The following GABRG1 variants were observed in gnomAD, a reference collection of about 807,000 sequenced individuals.
The protein encoded by GABRG1 is gamma-aminobutyric acid receptor subunit gamma-1.
Under a neutral mutation model 49.8 loss-of-function variants are expected in GABRG1, and 49 were observed. The observed-to-expected ratio is 0.98, with a 90% CI of 0.78 to 1.25. The LOEUF (loss-of-function observed/expected upper bound fraction) is 1.25, where lower values mean the gene tolerates loss of function less well. Ranked by LOEUF, GABRG1 falls within the 50% of genes most tolerant of loss-of-function variation. The probability of loss-of-function intolerance (pLI) is 0.00; values close to 1 mark genes in which losing one functional copy is unlikely to be tolerated. For synonymous variants in GABRG1, 232 were observed against 185.1 expected (o/e 1.25, Z -2.06); for missense variants, 552 against 552.3 (o/e 1.00, Z 0.01).
chr4:46,051,320 G>A, intron 8 of GABRG1, 104 bp downstream of exon 8: 1 of 798,536 alleles, frequency 1.3e-6, no homozygotes, highest in Non-Finnish European at 1.9e-6. Flanking sequence ...TTTGGTTATG[G>A]GTCTCAAGCG....
intron 1 of GABRG1, among the ~76,000 whole-genome samples, chr4:46,123,262 TA>T (rs1203974459): frequency 6.6e-6 from 1 of 152,050 alleles, no homozygotes; most frequent in Non-Finnish European, 1.5e-5. Context: ...ACTTGGATAC[TA>T]TACATTTTTA....
At chr4:46,098,501 C>G (rs181684901) in intron 1 of GABRG1, among the ~76,000 whole-genome samples, 2 of 151,826 alleles carry the variant, frequency 1.3e-5, no homozygotes, top group East Asian at 3.9e-4. Flanking sequence ...AGTATCTATT[C>G]AGACCTCTTT....
chr4:46,064,852 G>C (rs567441538), intron 4 of GABRG1, among the ~76,000 whole-genome samples: 36 of 152,082 alleles, frequency 2.4e-4, no homozygotes, highest in African/African-American at 7.7e-4. Context: ...GATTATAAAT[G>C]GTTAAGTATG....
At chr4:46,052,137 T>A (rs1718248199) in intron 7 of GABRG1, among the ~76,000 whole-genome samples, 1 of 151,620 alleles carries the variant, frequency 6.6e-6, no homozygotes. Context: ...AAACATTAGA[T>A]AATATTGGAA....
chr4:46,104,514 C>A (rs1261578918), intron 1 of GABRG1, among the ~76,000 whole-genome samples: 4 of 151,376 alleles, frequency 2.6e-5, no homozygotes, highest in Non-Finnish European at 3.0e-5. Flanking sequence ...TTACATATAG[C>A]CATAATACAT....
chr4:46,117,608 C>A (rs35551969), intron 1 of GABRG1, among the ~76,000 whole-genome samples: 45,772 of 136,842 alleles, frequency 0.33, 7,928 homozygotes, highest in Admixed American at 0.38. Context: ...CTCTCTCTCT[C>A]TCTCTATATA....
At chr4:46,089,459 T>C (rs1290519340) in intron 2 of GABRG1, among the ~76,000 whole-genome samples, 2 of 151,960 alleles carry the variant, frequency 1.3e-5, no homozygotes, top group Non-Finnish European at 2.9e-5. Flanking sequence ...ATAGAAGAGA[T>C]AAAGAGATGG....
At chr4:46,094,258 C>G (rs1720098602) in intron 2 of GABRG1, among the ~76,000 whole-genome samples, 1 of 151,900 alleles carries the variant, frequency 6.6e-6, no homozygotes, top group Non-Finnish European at 1.5e-5. Context: ...AATGCCCACA[C>G]TTCAAAATGA....
chr4:46,100,150 T>G (rs1359614409), intron 1 of GABRG1, among the ~76,000 whole-genome samples: 2 of 151,806 alleles, frequency 1.3e-5, no homozygotes, highest in African/African-American at 4.8e-5. Context: ...AGAAATTTTG[T>G]TATATGATTT....
chr4:46,063,574 A>G (rs1006725776), intron 5 of GABRG1, among the ~76,000 whole-genome samples: 2 of 152,082 alleles, frequency 1.3e-5, no homozygotes, highest in Non-Finnish European at 2.9e-5. Flanking sequence ...AACCATAAAA[A>G]CCCTAGAAGA....
chr4:46,062,538 T>C (rs1220327252), intron 5 of GABRG1, among the ~76,000 whole-genome samples: 1 of 152,302 alleles, frequency 6.6e-6, no homozygotes, highest in East Asian at 1.9e-4. Context: ...CCAGCACCTG[T>C]TGTTTCCTGA....
intron 1 of GABRG1, among the ~76,000 whole-genome samples, chr4:46,099,205 T>C (rs957468306): frequency 6.6e-6 from 1 of 151,716 alleles, no homozygotes; most frequent in African/African-American, 2.4e-5. Context: ...GGATTATACA[T>C]CCCTGTCCTG....
At chr4:46,108,933 G>A (rs1720640219) in intron 1 of GABRG1, among the ~76,000 whole-genome samples, 1 of 150,924 alleles carries the variant, frequency 6.6e-6, no homozygotes. Flanking sequence ...TGATAACATA[G>A]TCTATTATCA....
chr4:46,098,385 A>T (rs1577663175), intron 1 of GABRG1, among the ~76,000 whole-genome samples: 1 of 151,920 alleles, frequency 6.6e-6, no homozygotes, highest in East Asian at 2.0e-4. Context: ...CCAAAAAACT[A>T]AACACTAACA....
chr4:46,066,899 T>A (rs1244170966), intron 3 of GABRG1, among the ~76,000 whole-genome samples: 1 of 151,534 alleles, frequency 6.6e-6, no homozygotes, highest in East Asian at 1.9e-4. Flanking sequence ...TGTGTATATA[T>A]GTGTGTGTAT....
rs888770760 is a variant in GABRG1 at position 46,102,906 on chromosome 4, G to A, written c.105-5557C>T. ...CTTATTACTAGAGAAAAAAATATAT[G>A]CCTATAGCAAGTCAGTCAATTAATA... is the stretch of plus-strand genomic sequence containing the variant. On this transcript the variant is annotated intron_variant, in intron 1 of 8. Transcript: ENST00000295452. Among the ~76,000 whole-genome samples, 6 of 151,720 alleles carry A rather than the reference G, an allele frequency of 4.0e-5. No individual in the cohort carries two copies. In the East Asian group the frequency reaches 1.2e-3, roughly 30 times the overall value.
intron 2 of GABRG1, 146 bp downstream of exon 2, chr4:46,097,055 T>G (rs1402011264): frequency 1.5e-6 from 1 of 657,304 alleles, no homozygotes; most frequent in East Asian, 3.3e-5. Context: ...AAAACATTAG[T>G]GACCATTCTA....
chr4:46,101,924 T>C (rs1720393721), intron 1 of GABRG1, among the ~76,000 whole-genome samples: 1 of 151,638 alleles, frequency 6.6e-6, no homozygotes, highest in Non-Finnish European at 1.5e-5. Context: ...AACAGAATAA[T>C]GTATACACTC....
chr4:46,092,207 A>G (rs1213538989), intron 2 of GABRG1, among the ~76,000 whole-genome samples: 1 of 152,052 alleles, frequency 6.6e-6, no homozygotes, highest in African/African-American at 2.4e-5. Context: ...AGGAATTAAC[A>G]CCAGAAATGA....
Sources: gnomAD v4.1 joint callset for allele counts (sites outside exome capture counted in the v4.1 genomes callset) on GRCh38, gnomAD v4.1.1 for gene constraint, MANE v1.5 for transcripts, NCBI Gene and HGNC (gene_info 2026-07-23, HGNC 2026-07-21) for gene names.